The following CCDC149 variants were observed in gnomAD, a reference collection of about 807,000 sequenced individuals.
CCDC149 encodes the protein coiled-coil domain containing 149.
In CCDC149, 45 loss-of-function variants were observed where a neutral mutation model predicts 59.9. The observed-to-expected ratio is 0.75, with a 90% CI of 0.59 to 0.96. The LOEUF (loss-of-function observed/expected upper bound fraction) is 0.96, where lower values mean the gene tolerates loss of function less well. Among genes scored for constraint, CCDC149 ranks in the 40% least tolerant of loss-of-function variants. The pLI, the probability that CCDC149 is intolerant of heterozygous loss-of-function variation, is 0.00. For synonymous variants in CCDC149, 245 were observed against 260.6 expected, an observed-to-expected ratio of 0.94 and a Z score of 0.58; for missense variants, 584 against 664.7, an observed-to-expected ratio of 0.88 and a Z score of 1.33.
intron 10 of CCDC149, among the ~76,000 whole-genome samples, chr4:24,821,988 G>GT (rs1223247617): frequency 3.3e-5 from 5 of 152,252 alleles, no homozygotes; most frequent in East Asian, 1.9e-4. Flanking sequence ...ACAATTGTTG[G>GT]TTTTTATCTT....
chr4:24,931,849 A>ATATATATATATATATATATATACATG (rs1253209128), intron 1 of CCDC149, among the ~76,000 whole-genome samples: 5 of 143,990 alleles, frequency 3.5e-5, no homozygotes, highest in African/African-American at 1.3e-4. Flanking sequence ...ATATATATAT[A>ATATATATATATATATATATATACATG]TATGCATAAT....
chr4:24,816,010 C>G (rs751155275), intron 12 of CCDC149, among the ~76,000 whole-genome samples: 27 of 152,102 alleles, frequency 1.8e-4, no homozygotes, highest in Non-Finnish European at 3.5e-4. Context: ...GAGCCAGGGT[C>G]TAGGACAGGA....
intron 1 of CCDC149, among the ~76,000 whole-genome samples, chr4:24,927,447 G>A (rs1722460652): frequency 6.6e-6 from 1 of 152,244 alleles, no homozygotes; most frequent in Admixed American, 6.5e-5. Flanking sequence ...AGAGCAAACA[G>A]CTGCGTTTAT....
chr4:24,869,881 A>G (rs1455865989), intron 3 of CCDC149, among the ~76,000 whole-genome samples: 1 of 152,194 alleles, frequency 6.6e-6, no homozygotes, highest in Non-Finnish European at 1.5e-5. Context: ...CTTCCATCCC[A>G]AGTGATGAAT....
At chr4:24,906,607 G>A (rs900946863) in intron 1 of CCDC149, among the ~76,000 whole-genome samples, 26 of 151,654 alleles carry the variant, frequency 1.7e-4, no homozygotes, top group African/African-American at 5.1e-4. Context: ...CATGTTGGCC[G>A]GGCTGGTCTT....
chr4:24,873,816 T>TGGGGCCCCC, intron 2 of CCDC149, 97 bp from the exon 3 acceptor site: 1 of 762,724 alleles, frequency 1.3e-6, no homozygotes, highest in Non-Finnish European at 2.2e-6. Context: ...ATGTAGACTC[T>TGGGGCCCCC]CCCCACCCTC....
At chr4:24,869,333 G>A (rs900276078) in intron 3 of CCDC149, among the ~76,000 whole-genome samples, 7 of 152,206 alleles carry the variant, frequency 4.6e-5, no homozygotes, top group Admixed American at 1.3e-4. Flanking sequence ...GGAAGCAGGC[G>A]CAGAAAAGGA....
At chr4:24,954,127 C>A (rs780206139) in intron 1 of CCDC149, among the ~76,000 whole-genome samples, 2 of 152,158 alleles carry the variant, frequency 1.3e-5, no homozygotes, top group Non-Finnish European at 2.9e-5. Context: ...TGGCTGAAAA[C>A]TTCCCAAATT....
chr4:24,948,538 G>T (rs1723187747), intron 1 of CCDC149, among the ~76,000 whole-genome samples: 1 of 152,138 alleles, frequency 6.6e-6, no homozygotes, highest in African/African-American at 2.4e-5. Context: ...TTCCACTCAG[G>T]TTTAGCCAGC....
chr4:24,878,232 A>AAG (rs1719601630), intron 1 of CCDC149, among the ~76,000 whole-genome samples: 1 of 151,872 alleles, frequency 6.6e-6, no homozygotes, highest in African/African-American at 2.4e-5. Flanking sequence ...AAAAAAAAAA[A>AAG]AAAAAAGAAA....
At chr4:24,901,639 T>G (rs946624610) in intron 1 of CCDC149, among the ~76,000 whole-genome samples, 1 of 152,174 alleles carries the variant, frequency 6.6e-6, no homozygotes, top group African/African-American at 2.4e-5. Context: ...AGATAGCTGC[T>G]CATCGAAAAT....
intron 1 of CCDC149, among the ~76,000 whole-genome samples, chr4:24,903,491 G>A (rs943760609): frequency 1.3e-5 from 2 of 152,140 alleles, no homozygotes; most frequent in South Asian, 2.1e-4. Context: ...TGATGGGCTC[G>A]GGAATTAGAG....
At chr4:24,890,212 A>AT (rs1296632551) in intron 1 of CCDC149, among the ~76,000 whole-genome samples, 1 of 152,230 alleles carries the variant, frequency 6.6e-6, no homozygotes, top group Non-Finnish European at 1.5e-5. Context: ...TGATATGAAC[A>AT]GCCAGCAGCA....
rs1265379684 is a variant in CCDC149, at chr4:24,838,185, C to T, written c.460G>A (p.Val154Met). The change falls in exon 5 of 13, where the codon GTG becomes ATG. Residue 154 changes from valine to methionine, a missense_variant. Physicochemically the swap from Val to Met is conservative, Grantham distance 21. Transcript: ENST00000635206. ...TCCTTAGCTCGCTCTAGCTGCTGCA[C>T]CAAGTCTTCACGCTCATGGGCTGCA... is the stretch of plus-strand genomic sequence containing the variant. 1 of 1,614,168 alleles carries T rather than the reference C, an allele frequency of 6.2e-7. No individual in the cohort carries two copies. Among genetic ancestry groups the T allele is most frequent in the Non-Finnish European group, 8.5e-7 (1 of 1,180,000 alleles).
intron 1 of CCDC149, among the ~76,000 whole-genome samples, chr4:24,906,411 C>CTTTATTTTATTTTATTTATTTTAT (rs58431588): frequency 7.3e-6 from 1 of 136,056 alleles, no homozygotes; most frequent in Non-Finnish European, 1.5e-5. Context: ...TTTTATTTTA[C>CTTTATTTTATTTTATTTATTTTAT]TTTATTTGAG....
Position 24,852,287 on chromosome 4 carries a change from T to TACACACAC in CCDC149, c.372+777_372+784dup, listed in dbSNP as rs768071017. Among the ~76,000 whole-genome samples the TACACACAC allele has an allele frequency of 6.7e-3, 812 of 121,318 alleles. 10 individuals carry two copies. Among genetic ancestry groups the TACACACAC allele is most frequent in the African/African-American group, 0.014 (430 of 30,460 alleles). 79.6% of individuals were successfully genotyped at this position (121,318 alleles called of 152,430 possible). On this transcript the variant is annotated intron_variant, in intron 4 of 12. Coordinates refer to ENST00000635206, the MANE Select transcript of CCDC149 (RefSeq NM_001330643.2). Reference sequence around the variant, plus strand: ...AGAACTGCTCCCCTCCAACACACCATACACACACACACACACACACACACA... The same window carrying TACACACAC: ...AGAACTGCTCCCCTCCAACACACCATACACACACACACACACACACACACACACACACA...
In CCDC149 at chr4:24,945,252, T is replaced by C. The variant is rs537266353; in HGVS notation, c.-65+34817A>G. On this transcript the variant is annotated intron_variant, in intron 1 of 12. Coordinates refer to the CCDC149 transcript ENST00000389609. Reference sequence around the variant, plus strand: ...CCAGGAATCTCCAAAAGTGACCTTATTTGGAAACAGAGGTTTTGCAGATGT... The same window carrying C: ...CCAGGAATCTCCAAAAGTGACCTTACTTGGAAACAGAGGTTTTGCAGATGT... Among the ~76,000 whole-genome samples the C allele has an allele frequency of 1.1e-4, 17 of 152,218 alleles. No individual in the cohort carries two copies. The East Asian group carries it at 3.3e-3, about 29-fold the overall frequency.
At chr4:24,892,647 G>T (rs1425776865) in intron 1 of CCDC149, among the ~76,000 whole-genome samples, 2 of 152,152 alleles carry the variant, frequency 1.3e-5, no homozygotes, top group Non-Finnish European at 2.9e-5. Flanking sequence ...CTCACAAGGA[G>T]GCCCTCTGAG....
At chr4:24,896,130 C>T (rs1278342649) in intron 1 of CCDC149, among the ~76,000 whole-genome samples, 1 of 152,222 alleles carries the variant, frequency 6.6e-6, no homozygotes, top group East Asian at 1.9e-4. Context: ...TTGCTTGCTT[C>T]TTGCTGAGTG....
Sources: allele counts gnomAD v4.1 joint callset (sites outside exome capture counted in the v4.1 genomes callset), GRCh38; gene constraint gnomAD v4.1.1; transcripts MANE v1.5; gene names NCBI Gene and HGNC (gene_info 2026-07-23, HGNC 2026-07-21).